FLT1: variants seen among roughly 807,000 people sequenced by gnomAD.
FLT1 encodes fms related receptor tyrosine kinase 1.
In FLT1, 49 loss-of-function variants were observed where a neutral mutation model predicts 156.3. The observed-to-expected ratio is 0.31, with a 90% CI of 0.25 to 0.40. The LOEUF (loss-of-function observed/expected upper bound fraction) is 0.40, where lower values mean the gene tolerates loss of function less well. FLT1 is among the 10% of genes least tolerant of loss of function. The pLI, the probability that FLT1 is intolerant of heterozygous loss-of-function variation, is 1.00. For synonymous variants in FLT1, 594 were observed against 583.8 expected (o/e 1.02, Z -0.25); for missense variants, 1,322 against 1,637.2 (o/e 0.81, Z 3.32).
rs749508767 is a variant in FLT1, at chr13:28,431,276, T to A, written c.848A>T (p.Asp283Val). 6.2e-7 allele frequency: 1 copy of A among 1,613,850 alleles called. No individual in the cohort carries two copies. The highest frequency in any genetic ancestry group is 8.5e-7 in the Non-Finnish European group (1 of 1,179,722). ...NKRASVRRRI[D>V]QSNSHANIFY... is the part of the protein sequence containing the mutation. Reference sequence around the variant, plus strand: ...TATGTTGGCATGGGAATTGCTTTGGTCAATTCGTCGCCTTACGGAAGCTCT... The same window carrying A: ...TATGTTGGCATGGGAATTGCTTTGGACAATTCGTCGCCTTACGGAAGCTCT... Residue 283 changes from aspartate to valine, a missense_variant, in exon 7 of 30, where the codon GAC becomes GTC. By Grantham distance (152) the Asp-to-Val change is radical. Transcript: ENST00000282397.
chr13:28,428,914 T>C lies in FLT1; in HGVS notation c.1107-993A>G, dbSNP rs181083406. On this transcript the variant is annotated intron_variant, in intron 8 of 29. Transcript: ENST00000282397. ...TGCTACACTTTGTGATTACAAATAT[T>C]GTCTTGGTATTACTTTAAATTATTT... Among the ~76,000 whole-genome samples the C allele has an allele frequency of 3.2e-3, 486 of 152,288 alleles. 4 individuals are homozygous for C. The highest frequency in any genetic ancestry group is 0.011 in the African/African-American group (469 of 41,562).
intron 28 of FLT1, 41 bp from the exon 29 acceptor site, chr13:28,306,813 A>T (rs780675728): frequency 4.4e-6 from 6 of 1,373,818 alleles, no homozygotes; most frequent in Non-Finnish European, 6.2e-6. Context: ...TGCCTGGCCC[A>T]GCGGGGGTCC....
At chr13:28,385,782 C>T (rs1279375278) in intron 13 of FLT1, 4 of 1,027,480 alleles carry the variant, frequency 3.9e-6, no homozygotes, top group African/African-American at 3.4e-5. Context: ...GAATTCAATA[C>T]ATTAAGATGC....
At chr13:28,457,609 C>G (rs1276681119) in intron 3 of FLT1, among the ~76,000 whole-genome samples, 1 of 152,158 alleles carries the variant, frequency 6.6e-6, no homozygotes, top group African/African-American at 2.4e-5. Flanking sequence ...AATATTAGAA[C>G]TGGAAGGACC....
chr13:28,475,706 A>C (rs905805078), intron 1 of FLT1, among the ~76,000 whole-genome samples: 2 of 152,242 alleles, frequency 1.3e-5, no homozygotes, highest in Non-Finnish European at 2.9e-5. Context: ...CTTAATAAAA[A>C]AAAGTTAACT....
intron 15 of FLT1, among the ~76,000 whole-genome samples, chr13:28,350,543 C>T (rs1270879225): frequency 4.6e-5 from 7 of 152,030 alleles, no homozygotes; most frequent in Admixed American, 3.3e-4. Context: ...CATGGTCTGG[C>T]GGCATCACAC....
At chr13:28,493,787 T>C (rs2137681121) in intron 1 of FLT1, among the ~76,000 whole-genome samples, 1 of 152,292 alleles carries the variant, frequency 6.6e-6, no homozygotes, top group South Asian at 2.1e-4. Context: ...GCGGTCTAAC[T>C]GCTGGTAAAA....
At chr13:28,388,372 C>G in intron 13 of FLT1, 4 of 1,057,682 alleles carry the variant, frequency 3.8e-6, no homozygotes, top group Non-Finnish European at 3.4e-6. Context: ...AGTTCCCAAG[C>G]TTGAGAAGTT....
intron 3 of FLT1, among the ~76,000 whole-genome samples, chr13:28,460,879 T>TA (rs1879538630): frequency 6.6e-6 from 1 of 152,006 alleles, no homozygotes; most frequent in African/African-American, 2.4e-5. Context: ...TATGAATGTA[T>TA]AAAATTGAAA....
At chr13:28,330,588 CTA>C (rs3029492) in intron 18 of FLT1, among the ~76,000 whole-genome samples, 109,501 of 142,266 alleles carry the variant, frequency 0.77, 43,241 homozygotes, top group East Asian at 0.97. Context: ...ATCAGAGGTC[CTA>C]TATATATATA....
intron 14 of FLT1, among the ~76,000 whole-genome samples, chr13:28,364,913 T>C (rs1183626481): frequency 6.6e-6 from 1 of 152,210 alleles, no homozygotes; most frequent in African/African-American, 2.4e-5. Context: ...GTCTTGACTA[T>C]TCTTGGCCCT....
intron 1 of FLT1, among the ~76,000 whole-genome samples, chr13:28,477,183 C>T (rs190441374): frequency 2.0e-5 from 3 of 152,314 alleles, no homozygotes; most frequent in African/African-American, 7.2e-5. Context: ...TTACTTGACA[C>T]TGCCTTCTTT....
chr13:28,388,192 C>G (rs1593733818), intron 13 of FLT1: 1 of 1,057,914 alleles, frequency 9.5e-7, no homozygotes, highest in Non-Finnish European at 1.1e-6. Flanking sequence ...TTTGGGCTGA[C>G]AACTTCCAGG....
chr13:28,447,192 T>C, intron 3 of FLT1, among the ~76,000 whole-genome samples: 1 of 146,346 alleles, frequency 6.8e-6, no homozygotes, highest in African/African-American at 2.5e-5. Flanking sequence ...ATATATTTTA[T>C]ATATATTTGC....
At chr13:28,434,283 C>T in intron 4 of FLT1, 63 bp from the exon 5 acceptor site, 1 of 1,457,734 alleles carries the variant, frequency 6.9e-7, no homozygotes, top group Non-Finnish European at 9.6e-7. Context: ...TACTGTTTCA[C>T]CAGCAGTTTG....
chr13:28,351,665 C>G (rs1390775205), intron 15 of FLT1, among the ~76,000 whole-genome samples: 2 of 152,192 alleles, frequency 1.3e-5, no homozygotes, highest in Non-Finnish European at 2.9e-5. Context: ...ATTTTAAGTA[C>G]ATTTTCAAGA....
intron 14 of FLT1, among the ~76,000 whole-genome samples, chr13:28,365,901 T>G (rs920975792): frequency 1.3e-5 from 2 of 152,182 alleles, no homozygotes; most frequent in African/African-American, 2.4e-5. Flanking sequence ...TAGAGTAGCA[T>G]TTGCAAACAT....
chr13:28,376,809 G>A (rs1873857513), intron 14 of FLT1, among the ~76,000 whole-genome samples: 1 of 152,214 alleles, frequency 6.6e-6, no homozygotes, highest in African/African-American at 2.4e-5. Context: ...TTATTTTGGA[G>A]AGCTGCCAGT....
At chr13:28,341,483 G>A (rs1358986477) in intron 16 of FLT1, among the ~76,000 whole-genome samples, 1 of 152,022 alleles carries the variant, frequency 6.6e-6, no homozygotes, top group Non-Finnish European at 1.5e-5. Flanking sequence ...CTGTAATAAT[G>A]GTACTTATCT....
Sources: allele counts gnomAD v4.1 joint callset (sites outside exome capture counted in the v4.1 genomes callset), GRCh38; gene constraint gnomAD v4.1.1; transcripts MANE v1.5; gene names NCBI Gene and HGNC (gene_info 2026-07-23, HGNC 2026-07-21).